Variants in PTPRS observed in about 807,000 individuals in gnomAD.
The protein encoded by PTPRS is receptor-type tyrosine-protein phosphatase S.
Under a neutral mutation model 215.3 loss-of-function variants are expected in PTPRS, and 63 were observed. That is an observed-to-expected ratio of 0.29 (90% CI 0.24 to 0.36). PTPRS has a LOEUF of 0.36. PTPRS is among the 10% of genes least tolerant of loss of function. PTPRS has a pLI of 1.00. For synonymous variants in PTPRS, 1,404 were observed against 1,191.4 expected, an observed-to-expected ratio of 1.18 and a Z score of -3.68; for missense variants, 2,258 against 2,825.8, an observed-to-expected ratio of 0.80 and a Z score of 4.56.
chr19:5,267,832 G>C (rs1340823523), intron 4 of PTPRS, among the ~76,000 whole-genome samples: 1 of 151,820 alleles, frequency 6.6e-6, no homozygotes, highest in Non-Finnish European at 1.5e-5. Context: ...TGGAGTGGAG[G>C]GGGTAAAGGG....
At chr19:5,268,118 A>T (rs1268598972) in intron 4 of PTPRS, among the ~76,000 whole-genome samples, 5 of 151,614 alleles carry the variant, frequency 3.3e-5, no homozygotes, top group African/African-American at 1.2e-4. Context: ...TGCAGTGAGC[A>T]GAGATCGCGC....
At chr19:5,318,526 G>A (rs2049940200) in intron 1 of PTPRS, among the ~76,000 whole-genome samples, 1 of 152,066 alleles carries the variant, frequency 6.6e-6, no homozygotes, top group Non-Finnish European at 1.5e-5. Flanking sequence ...TGTAAAATGG[G>A]TATAAAAGTC....
intron 1 of PTPRS, among the ~76,000 whole-genome samples, chr19:5,308,720 C>T (rs922768013): frequency 1.3e-5 from 2 of 152,022 alleles, no homozygotes; most frequent in South Asian, 2.1e-4. Flanking sequence ...GGGCTCCAGG[C>T]GGGGAGAGAG....
chr19:5,262,690 C>G (rs2046094648), intron 6 of PTPRS, among the ~76,000 whole-genome samples: 1 of 152,236 alleles, frequency 6.6e-6, no homozygotes, highest in Non-Finnish European at 1.5e-5. Context: ...TGAGGTCTGC[C>G]TGGCCTTGTC....
Position 5,293,893 on chromosome 19 carries a change from C to T in PTPRS, c.-94-7659G>A, listed in dbSNP as rs2049036542. 1.3e-5 allele frequency among the ~76,000 whole-genome samples: 2 copies of T among 152,098 alleles called. No individual in the cohort carries two copies. The highest frequency in any genetic ancestry group is 6.5e-5 in the Admixed American group (1 of 15,276). On this transcript the variant is annotated intron_variant, in intron 1 of 37. Coordinates refer to ENST00000262963, the MANE Select transcript of PTPRS (RefSeq NM_002850.4). The surrounding 1 kb of genome is among the most constrained non-coding windows in gnomAD (Gnocchi z 8.4). ...GGGCCAGATTGGAAACAGATGGGGC[C>T]GCCGTGCCAGGCCCGCGACACCGGA...
At chr19:5,292,327 G>A (rs906917102) in intron 1 of PTPRS, among the ~76,000 whole-genome samples, 1 of 152,214 alleles carries the variant, frequency 6.6e-6, no homozygotes, top group Non-Finnish European at 1.5e-5. Context: ...GACGGGGACA[G>A]CCTCGCATCC....
rs369114749 is a variant in PTPRS, at chr19:5,220,281, T to C, written c.3528A>G (p.Pro1176=). ...TCACCTCTTCCAGATCCATGTCCTC[T>C]GGGCTACCCAGCGGGGTCAGGAATT... The part of the protein sequence containing the change: ...GGQFLTPLGS[P]EDMDLEELIQ... Residue 1176 remains proline (P), a synonymous_variant, in exon 21 of 38, where the codon CCA becomes CCG. Coordinates refer to ENST00000262963, the MANE Select transcript of PTPRS (RefSeq NM_002850.4). 2 of 1,614,090 alleles carry C rather than the reference T, an allele frequency of 1.2e-6. No homozygotes were observed. The highest frequency in any genetic ancestry group is 1.1e-5 in the South Asian group (1 of 91,066).
Position 5,205,829 on chromosome 19 carries a change from AGAG to A in PTPRS, c.*942_*944del, listed in dbSNP as rs758484944. 8.5e-5 allele frequency among the ~76,000 whole-genome samples: 13 copies of A among 152,266 alleles called. No individual in the cohort carries two copies. In the East Asian group the frequency reaches 1.9e-3, roughly 23 times the overall value. The stretch of plus-strand genomic sequence containing the variant: ...AGACGGGGAGACAGCTCAGGCTCTC[AGAG>A]GAGGACCACTGTCATCTCTCTCCTC... On this transcript the variant is annotated 3_prime_UTR_variant, in exon 38 of 38. Coordinates refer to ENST00000262963, the MANE Select transcript of PTPRS (RefSeq NM_002850.4).
chr19:5,225,263 C>T lies in PTPRS; in HGVS notation c.2494+464G>A, dbSNP rs575899140. ...CCCTGAAATAACAACCTAGCCGGGG[C>T]GACCAGAGCCTGGATGGGGGAAGCA... On this transcript the variant is annotated intron_variant, in intron 17 of 37. Transcript: ENST00000262963. 9.2e-5 allele frequency among the ~76,000 whole-genome samples: 14 copies of T among 151,980 alleles called. No individual in the cohort carries two copies. The South Asian group carries it at 1.5e-3, about 16-fold the overall frequency.
In PTPRS at chr19:5,239,083, G is replaced by C. The variant is rs767928973; in HGVS notation, c.1705-20C>G. The C allele has an allele frequency of 1.3e-6, 2 of 1,589,934 alleles. No individual in the cohort carries two copies. Among genetic ancestry groups the C allele is most frequent in the Non-Finnish European group, 1.7e-6 (2 of 1,165,514 alleles). On this transcript the variant is annotated intron_variant, in intron 12 of 37. Transcript: ENST00000262963. ...TCCCACCTGGGGGCAGGGCAGAGAA[G>C]GACAGAGAGGGATGGGGGAGAGAGA...
chr19:5,235,757 T>C (rs1024274388), intron 13 of PTPRS, among the ~76,000 whole-genome samples: 11 of 152,316 alleles, frequency 7.2e-5, no homozygotes, highest in Admixed American at 1.3e-4. Context: ...AGTGGCTGTA[T>C]TAATGGGGCA....
chr19:5,220,297 G>A lies in PTPRS; in HGVS notation c.3512C>T (p.Thr1171Ile). Reference sequence around the variant, plus strand: ...CATGTCCTCTGGGCTACCCAGCGGGGTCAGGAATTGGCCTCCACGAGACTT... The same window carrying A: ...CATGTCCTCTGGGCTACCCAGCGGGATCAGGAATTGGCCTCCACGAGACTT... ...LRKSRGGQFLTPLGSPEDMDL... is the reference protein window; with the variant it reads ...LRKSRGGQFLIPLGSPEDMDL... The change falls in exon 21 of 38, where the codon ACC becomes ATC. Residue 1171 changes from threonine to isoleucine, a missense_variant. Thr to Ile is a moderately conservative substitution (Grantham distance 89). Coordinates refer to ENST00000262963, the MANE Select transcript of PTPRS (RefSeq NM_002850.4). 1 of 1,614,124 alleles carries A rather than the reference G, an allele frequency of 6.2e-7. No homozygotes were observed. The highest frequency in any genetic ancestry group is 8.5e-7 in the Non-Finnish European group (1 of 1,180,014).
intron 7 of PTPRS, 53 bp downstream of exon 7, chr19:5,260,752 G>A: frequency 1.2e-6 from 2 of 1,607,610 alleles, no homozygotes; most frequent in Non-Finnish European, 1.7e-6. Context: ...CTGAGGGGCT[G>A]AGTGGGCAGC....
In PTPRS at chr19:5,223,193, G is replaced by A. The variant is rs371360214; in HGVS notation, c.2599C>T (p.Arg867Cys). Residue 867 changes from arginine (R) to cysteine (C), a missense_variant, in exon 18 of 38, where the codon CGC (arginine) becomes TGC (cysteine). Arg to Cys is a radical substitution (Grantham distance 180). This residue lies in a region of PTPRS where 361 missense variants were observed against 332.6 expected (regional missense o/e 1.09). Transcript: ENST00000262963. ...GAGTCCTCACGGCCAAACTGCAGGCGGTAGCCCAGCACCTGGTCCTCCGCG... is the reference window on the plus strand; with the variant it reads ...GAGTCCTCACGGCCAAACTGCAGGCAGTAGCCCAGCACCTGGTCCTCCGCG... ...GTAEDQVLGYRLQFGREDSTP... is the reference protein window; with the variant it reads ...GTAEDQVLGYCLQFGREDSTP... 32 of 1,549,708 alleles carry A rather than the reference G, an allele frequency of 2.1e-5. No homozygotes were observed. The East Asian group carries it at 3.4e-4, about 16-fold the overall frequency.
intron 1 of PTPRS, among the ~76,000 whole-genome samples, chr19:5,313,644 G>A (rs1353978095): frequency 1.3e-5 from 2 of 152,170 alleles, no homozygotes; most frequent in Non-Finnish European, 2.9e-5. Context: ...AAGGGCAGGC[G>A]GCAGGAGGGG....
intron 1 of PTPRS, among the ~76,000 whole-genome samples, chr19:5,330,767 C>A (rs1403659484): frequency 1.3e-5 from 2 of 152,316 alleles, no homozygotes; most frequent in East Asian, 3.9e-4. Flanking sequence ...TAATGCCCTT[C>A]CCCAGCAGGG....
intron 4 of PTPRS, among the ~76,000 whole-genome samples, chr19:5,270,353 T>C (rs948318646): frequency 4.0e-5 from 5 of 124,278 alleles, no homozygotes; most frequent in African/African-American, 1.5e-4. Context: ...TGCAGTAGCA[T>C]GATCATAGCC....
intron 26 of PTPRS, 89 bp from the exon 27 acceptor site, chr19:5,215,684 G>T (rs564497627): frequency 4.3e-6 from 4 of 927,530 alleles, no homozygotes; most frequent in Non-Finnish European, 4.9e-6. Context: ...GTGTGAGTCT[G>T]CGATGGGTGA....
Position 5,268,026 on chromosome 19 carries a change from C to T in PTPRS, c.380-2830G>A, listed in dbSNP as rs922080281. 4.6e-5 allele frequency among the ~76,000 whole-genome samples: 7 copies of T among 152,172 alleles called. No individual in the cohort carries two copies. The South Asian group carries it at 1.5e-3, about 32-fold the overall frequency. ...CTACTAAACTACAAAGAAGATTAGC[C>T]GGGCTTGGTGACGGGCACCTGTAGT... On this transcript the variant is annotated intron_variant, in intron 4 of 37. Transcript: ENST00000262963.
Sources: allele counts gnomAD v4.1 joint callset (sites outside exome capture counted in the v4.1 genomes callset), GRCh38; gene constraint gnomAD v4.1.1; regional missense constraint gnomAD v4.1.1; non-coding constraint Gnocchi (gnomAD v3.1); transcripts MANE v1.5; gene names NCBI Gene and HGNC (gene_info 2026-07-23, HGNC 2026-07-21).